The following FURIN variants were observed in gnomAD, a reference collection of about 807,000 sequenced individuals.
The protein encoded by FURIN is FES upstream region.
In FURIN, 18 loss-of-function variants were observed where a neutral mutation model predicts 89.2. The ratio of observed to expected loss-of-function variants is 0.20; its 90% CI spans 0.14 to 0.30. The LOEUF (loss-of-function observed/expected upper bound fraction) is 0.30, where lower values mean the gene tolerates loss of function less well. FURIN is among the 10% of genes least tolerant of loss of function. FURIN has a pLI of 1.00. For missense variants in FURIN, 879 were observed against 1,100.5 expected, an observed-to-expected ratio of 0.80 and a Z score of 2.85; for synonymous variants, 508 against 466.4, an observed-to-expected ratio of 1.09 and a Z score of -1.15.
chr15:90,876,931 G>T lies in FURIN; in HGVS notation c.408G>T (p.Ala136=). Residue 136 remains alanine (A), a synonymous_variant, in exon 5 of 16, where the codon GCG becomes GCT. Transcript: ENST00000268171. The surrounding 1 kb of genome is among the most constrained non-coding windows in gnomAD (Gnocchi z 5.0). ...GVTQRDLNVK[A]AWAQGYTGHG... ...CTCAGCGGGACCTGAATGTGAAGGC[G>T]GCCTGGGCGCAGGGCTACACAGGGC... 6.2e-7 allele frequency: 1 copy of T among 1,614,138 alleles called. No individual in the cohort carries two copies. The highest frequency in any genetic ancestry group is 1.3e-5 in the African/African-American group (1 of 75,058).
At chr15:90,877,329 G>A in intron 6 of FURIN, 118 bp downstream of exon 6, 1 of 989,906 alleles carries the variant, frequency 1.0e-6, no homozygotes, top group Non-Finnish European at 1.5e-6. Context: ...CCACAGTCCT[G>A]GCCCACCTGG....
At chr15:90,870,110 T>C (rs1419695274) in intron 1 of FURIN, among the ~76,000 whole-genome samples, 3 of 152,198 alleles carry the variant, frequency 2.0e-5, no homozygotes, top group African/African-American at 7.2e-5. Flanking sequence ...TTGCAGTGTT[T>C]GTAAAGGTGC....
chr15:90,879,776 TGA>T lies in FURIN; in HGVS notation c.1258+4_1258+5del. On this transcript the variant is annotated splice_donor_region_variant and intron_variant, in intron 11 of 15. Coordinates refer to ENST00000268171, the MANE Select transcript of FURIN (RefSeq NM_002569.4). ...CCACCAATGGTGTGGGCCGGAAAGG[TGA>T]GGGCAGGCTGGCCCGGCAGGCTGGA... The T allele has an allele frequency of 6.2e-7, 1 of 1,613,038 alleles. No individual in the cohort carries two copies. Among genetic ancestry groups the T allele is most frequent in the Non-Finnish European group, 8.5e-7 (1 of 1,179,522 alleles).
chr15:90,879,742 A>G lies in FURIN; in HGVS notation c.1226A>G (p.Asn409Ser), dbSNP rs2031839329. The change falls in exon 11 of 16, where the codon AAC becomes AGC. Residue 409 changes from asparagine to serine, a missense_variant. Physicochemically the swap from Asn to Ser is conservative, Grantham distance 46. Coordinates refer to ENST00000268171, the MANE Select transcript of FURIN (RefSeq NM_002569.4). ...QTSKPAHLNANDWATNGVGRK... is the reference protein window; with the variant it reads ...QTSKPAHLNASDWATNGVGRK... Reference sequence around the variant, plus strand: ...TCGAAGCCAGCCCACCTCAATGCCAACGACTGGGCCACCAATGGTGTGGGC... The same window carrying G: ...TCGAAGCCAGCCCACCTCAATGCCAGCGACTGGGCCACCAATGGTGTGGGC... 3 of 1,613,858 alleles carry G rather than the reference A, an allele frequency of 1.9e-6. No homozygotes were observed. Among genetic ancestry groups the G allele is most frequent in the African/African-American group, 1.3e-5 (1 of 75,076 alleles).
Position 90,876,441 on chromosome 15 carries a change from C to G in FURIN, c.277-21C>G. The G allele has an allele frequency of 6.3e-7, 1 of 1,592,508 alleles. No individual in the cohort carries two copies. Among genetic ancestry groups the G allele is most frequent in the Non-Finnish European group, 8.6e-7 (1 of 1,160,354 alleles). Reference sequence around the variant, plus strand: ...TCGCCTCCTGCTCCACCCACACCATCTCTCCCTCACTCCCCCACAGGTACA... The same window carrying G: ...TCGCCTCCTGCTCCACCCACACCATGTCTCCCTCACTCCCCCACAGGTACA... On this transcript the variant is annotated intron_variant, in intron 3 of 15. Coordinates refer to ENST00000268171, the MANE Select transcript of FURIN (RefSeq NM_002569.4). This position sits in a 1 kb window ranked among gnomAD's most constrained non-coding sequence, Gnocchi z 5.0.
chr15:90,871,254 C>T, intron 1 of FURIN, among the ~76,000 whole-genome samples: 1 of 152,194 alleles, frequency 6.6e-6, no homozygotes, highest in Non-Finnish European at 1.5e-5. Flanking sequence ...TCCCCCAAGC[C>T]TTTCCCTTTG....
rs202074247 is a variant in FURIN, at chr15:90,879,855, C to T, written c.1259-12C>T. ...TGCCTGACAGCTGACCCTACCTTCCCTGTCCCCACAGTGAGCCACTCATAT... is the reference window on the plus strand; with the variant it reads ...TGCCTGACAGCTGACCCTACCTTCCTTGTCCCCACAGTGAGCCACTCATAT... On this transcript the variant is annotated splice_polypyrimidine_tract_variant and intron_variant, in intron 11 of 15. Transcript: ENST00000268171. 1.2e-6 allele frequency: 2 copies of T among 1,611,702 alleles called. No homozygotes were observed. Among genetic ancestry groups the T allele is most frequent in the East Asian group, 2.2e-5 (1 of 44,884 alleles).
At chr15:90,879,826 T>G (rs1371705686) in intron 11 of FURIN, 41 bp from the exon 12 acceptor site, 2 of 1,597,378 alleles carry the variant, frequency 1.3e-6, no homozygotes, top group Non-Finnish European at 1.7e-6. Flanking sequence ...TAGAAGGCAC[T>G]CTGTGCCTGA....
Position 90,878,989 on chromosome 15 carries a change from TG to T in FURIN, c.1053+18del. The T allele has an allele frequency of 8.0e-7, 1 of 1,251,484 alleles. No individual in the cohort carries two copies. The highest frequency in any genetic ancestry group is 1.1e-6 in the Non-Finnish European group (1 of 883,354). The allele number at this position is 1,251,484 out of a possible 1,614,324, so 77.5% of individuals were successfully genotyped here. On this transcript the variant is annotated intron_variant, in intron 9 of 15. Transcript: ENST00000268171. ...TGAGAAGCAGATCGTGAGTCTTACC[TG>T]GGGGTGGGGGCTGGGGAGATGGGGC... is the stretch of plus-strand genomic sequence containing the variant.
At chr15:90,878,337 A>AG in intron 8 of FURIN, 33 bp downstream of exon 8, 1 of 1,527,012 alleles carries the variant, frequency 6.5e-7, no homozygotes, top group Non-Finnish European at 8.8e-7. Flanking sequence ...CCCTGCGGGC[A>AG]GGTTGGGTGC....
At position 90,880,833 on chromosome 15, in the gene FURIN, G is replaced by A. The variant is rs770906461; in HGVS notation, c.1681+18G>A. On this transcript the variant is annotated intron_variant, in intron 14 of 15. Coordinates refer to ENST00000268171, the MANE Select transcript of FURIN (RefSeq NM_002569.4). ...CAACTATGGTACTGGGGGCACTTGA[G>A]GGGTAGGGGTACGAGGTGGAGGGCT... is the stretch of plus-strand genomic sequence containing the variant. 20 of 1,611,992 alleles carry A rather than the reference G, an allele frequency of 1.2e-5. No individual in the cohort carries two copies. The Admixed American group carries it at 2.8e-4, about 23-fold the overall frequency.
rs1432327819 is a variant in FURIN, at chr15:90,877,160, A to G, written c.527A>G (p.Asn176Ser). 5 of 1,612,444 alleles carry G rather than the reference A, an allele frequency of 3.1e-6. No homozygotes were observed. Among genetic ancestry groups the G allele is most frequent in the Non-Finnish European group, 4.2e-6 (5 of 1,179,076 alleles). ...NYDPGASFDV[N>S]DQDPDPQPRY... ...GATCCTGGGGCCAGTTTTGATGTCA[A>G]TGACCAGGACCCTGACCCCCAGCCT... is the stretch of plus-strand genomic sequence containing the variant. Residue 176 changes from asparagine to serine, a missense_variant, in exon 6 of 16, where the codon AAT (asparagine) becomes AGT (serine). Physicochemically the swap from Asn to Ser is conservative, Grantham distance 46. Transcript: ENST00000268171.
Position 90,882,085 on chromosome 15 carries a change from C to T in FURIN, c.*207C>T, listed in dbSNP as rs1004348153. 7.1e-6 allele frequency: 4 copies of T among 563,220 alleles called. No individual in the cohort carries two copies. Among genetic ancestry groups the T allele is most frequent in the African/African-American group, 3.9e-5 (2 of 51,360 alleles). 34.9% of individuals were successfully genotyped at this position (563,220 alleles called of 1,614,324 possible). ...GGCGTGGGGAGGGCCGTACCCCACC[C>T]TCAGCACCCCTTCCATGTGGAGAAA... On this transcript the variant is annotated 3_prime_UTR_variant, in exon 16 of 16. Coordinates refer to ENST00000268171, the MANE Select transcript of FURIN (RefSeq NM_002569.4).
chr15:90,878,567 C>T (rs1369628961), intron 8 of FURIN, among the ~76,000 whole-genome samples, 197 bp from the exon 9 acceptor site: 2 of 152,200 alleles, frequency 1.3e-5, no homozygotes, highest in Non-Finnish European at 2.9e-5. Context: ...GATCCTCCCG[C>T]CTTGGCCTCT....
At chr15:90,879,305 C>A (rs2031807525) in intron 9 of FURIN, 139 bp from the exon 10 acceptor site, 5 of 680,216 alleles carry the variant, frequency 7.4e-6, no homozygotes, top group South Asian at 1.8e-5. Flanking sequence ...AAGGCAGCAG[C>A]TGGGACCTGG....
intron 8 of FURIN, 147 bp downstream of exon 8, chr15:90,878,451 T>A: frequency 1.3e-6 from 1 of 748,030 alleles, no homozygotes; most frequent in Non-Finnish European, 2.1e-6. Flanking sequence ...AGAAGAAGAG[T>A]AGAGTGCATA....
intron 1 of FURIN, among the ~76,000 whole-genome samples, chr15:90,871,361 C>A (rs1408875501): frequency 6.6e-6 from 1 of 151,796 alleles, no homozygotes; most frequent in Non-Finnish European, 1.5e-5. Context: ...GCCTGAGGGA[C>A]GCGCCGGGCG....
At position 90,881,150 on chromosome 15, in the gene FURIN, C is replaced by CTGGGGCTCT; in HGVS notation, c.1792+115_1792+123dup. ...AAAAGTCTCAAGAGACCTAGGGCCC[C>CTGGGGCTCT]TGGGGCTCTTGGGATGACCACAGTC... On this transcript the variant is annotated intron_variant, in intron 15 of 15. Transcript: ENST00000268171. This position sits in a 1 kb window ranked among gnomAD's most constrained non-coding sequence, Gnocchi z 4.3. 1 of 1,106,888 alleles carries CTGGGGCTCT rather than the reference C, an allele frequency of 9.0e-7. No homozygotes were observed. The highest frequency in any genetic ancestry group is 1.4e-5 in the South Asian group (1 of 73,942). 68.6% of individuals were successfully genotyped at this position (1,106,888 alleles called of 1,614,324 possible). A position where few individuals can be genotyped will look rare whatever the true frequency, so the allele number is the denominator to read the frequency against.
chr15:90,878,373 T>C, intron 8 of FURIN, 69 bp downstream of exon 8: 2 of 1,287,626 alleles, frequency 1.6e-6, no homozygotes, highest in Non-Finnish European at 2.1e-6. Flanking sequence ...TCTTGTGTTT[T>C]TTGGTTTGTT....
Sources: allele counts gnomAD v4.1 joint callset (sites outside exome capture counted in the v4.1 genomes callset), GRCh38; gene constraint gnomAD v4.1.1; non-coding constraint Gnocchi (gnomAD v3.1); transcripts MANE v1.5; gene names NCBI Gene and HGNC (gene_info 2026-07-23, HGNC 2026-07-21).